Variants in PLPP3 observed in about 807,000 individuals in gnomAD.
The protein encoded by PLPP3 is phospholipid phosphatase 3.
PLPP3 carries 6 observed loss-of-function variants against 29.6 expected under a neutral mutation model. The ratio of observed to expected loss-of-function variants is 0.20; its 90% CI spans 0.11 to 0.40. PLPP3 has a LOEUF of 0.40. PLPP3 is among the 10% of genes least tolerant of loss of function. The pLI, the probability that PLPP3 is intolerant of heterozygous loss-of-function variation, is 1.00. For missense variants in PLPP3, 308 were observed against 407.7 expected, an observed-to-expected ratio of 0.76 and a Z score of 2.11; for synonymous variants, 152 against 159.7, an observed-to-expected ratio of 0.95 and a Z score of 0.36.
intron 4 of PLPP3, among the ~76,000 whole-genome samples, chr1:56,519,268 T>C (rs1036810059): frequency 8.5e-5 from 13 of 152,174 alleles, no homozygotes; most frequent in Non-Finnish European, 1.6e-4. Flanking sequence ...CAGTCTCCTC[T>C]ATCTTCATGT....
At chr1:56,510,947 G>A (rs983221994) in intron 5 of PLPP3, among the ~76,000 whole-genome samples, 3 of 152,186 alleles carry the variant, frequency 2.0e-5, no homozygotes, top group African/African-American at 7.2e-5. Flanking sequence ...TGAGACATAA[G>A]CCTGCAACCA....
At chr1:56,542,608 G>A (rs964156191) in intron 1 of PLPP3, among the ~76,000 whole-genome samples, 2 of 152,062 alleles carry the variant, frequency 1.3e-5, no homozygotes, top group African/African-American at 2.4e-5. Flanking sequence ...CAGGATCTGC[G>A]AGAATAATAA....
intron 2 of PLPP3, among the ~76,000 whole-genome samples, chr1:56,533,865 G>C (rs1645906908): frequency 6.6e-6 from 1 of 152,202 alleles, no homozygotes; most frequent in Admixed American, 6.5e-5. Flanking sequence ...ATGTACCTAA[G>C]TCAGATGATG....
intron 1 of PLPP3, among the ~76,000 whole-genome samples, chr1:56,554,489 G>A (rs1033214143): frequency 2.6e-5 from 4 of 151,278 alleles, no homozygotes; most frequent in Non-Finnish European, 4.4e-5. Flanking sequence ...GGAGAATGGC[G>A]TGAACCCGGG....
At chr1:56,523,934 A>G (rs1645835627) in intron 3 of PLPP3, 54 bp from the exon 4 acceptor site, 2 of 1,572,748 alleles carry the variant, frequency 1.3e-6, no homozygotes, top group Admixed American at 3.4e-5. Context: ...CCTGATACAC[A>G]CTTGTCTGTC....
chr1:56,552,641 G>A (rs1646048992), intron 1 of PLPP3, among the ~76,000 whole-genome samples: 1 of 152,122 alleles, frequency 6.6e-6, no homozygotes, highest in African/African-American at 2.4e-5. Flanking sequence ...GACCCTGTGA[G>A]GACTCAAACC....
Position 56,579,232 on chromosome 1 carries a change from T to C in PLPP3, c.-216A>G. 1.8e-6 allele frequency: 1 copy of C among 556,776 alleles called. No homozygotes were observed. The highest frequency in any genetic ancestry group is 3.6e-5 in the East Asian group (1 of 27,964). 34.5% of individuals were successfully genotyped at this position (556,776 alleles called of 1,614,324 possible). A position where few individuals can be genotyped will look rare whatever the true frequency, so the allele number is the denominator to read the frequency against. On this transcript the variant is annotated 5_prime_UTR_variant, in exon 1 of 6. Transcript: ENST00000371250. ...CTCCTCCTGCGCGCCTCTGCTTTCC[T>C]CTGTCAACCCTAAATCGTTCTAAAG...
At chr1:56,557,895 G>A (rs1029674230) in intron 1 of PLPP3, among the ~76,000 whole-genome samples, 8 of 152,106 alleles carry the variant, frequency 5.3e-5, no homozygotes, top group Admixed American at 3.3e-4. Flanking sequence ...ATTGCTCTGC[G>A]CTGCAGCCAA....
chr1:56,562,907 GGGA>G (rs1646140063), intron 1 of PLPP3, among the ~76,000 whole-genome samples: 1 of 152,178 alleles, frequency 6.6e-6, no homozygotes, highest in African/African-American at 2.4e-5. Context: ...CACAAATACT[GGGA>G]GAGATAGGCA....
chr1:56,496,663 G>C lies in PLPP3; in HGVS notation c.824C>G (p.Ser275Cys). The C allele has an allele frequency of 6.2e-7, 1 of 1,613,460 alleles. No homozygotes were observed. Among genetic ancestry groups the C allele is most frequent in the Non-Finnish European group, 8.5e-7 (1 of 1,179,740 alleles). The change falls in exon 6 of 6, where the codon TCT (serine) becomes TGT (cysteine). Residue 275 changes from serine to cysteine, a missense_variant. This residue lies in a region of PLPP3 where 232 missense variants were observed against 317.2 expected (regional missense o/e 0.73). Coordinates refer to ENST00000371250, the MANE Select transcript of PLPP3 (RefSeq NM_003713.5). ...CGTCGTCTTAGTCTTGAAGAGGTCA[G>C]ACACGAAGAAAACCTAGAAGCACAA... ...LVACCIVFFV[S>C]DLFKTKTTLS...
intron 1 of PLPP3, among the ~76,000 whole-genome samples, chr1:56,556,418 T>C (rs1264100500): frequency 6.6e-6 from 1 of 152,148 alleles, no homozygotes; most frequent in African/African-American, 2.4e-5. Context: ...TATTAGAACA[T>C]AGAAGATCAT....
chr1:56,519,746 G>T lies in PLPP3; in HGVS notation c.633+4077C>A, dbSNP rs866029973. On this transcript the variant is annotated intron_variant, in intron 4 of 5. Coordinates refer to ENST00000371250, the MANE Select transcript of PLPP3 (RefSeq NM_003713.5). Reference sequence around the variant, plus strand: ...TTGTGCTTATATATGCTGTGGGTTTGTTTTTTTTTTTTTAATTAGAACTTG... The same window carrying T: ...TTGTGCTTATATATGCTGTGGGTTTTTTTTTTTTTTTTTAATTAGAACTTG... 3.6e-4 allele frequency among the ~76,000 whole-genome samples: 51 copies of T among 139,872 alleles called. 2 individuals are homozygous for T. The East Asian group carries it at 5.1e-3, about 14-fold the overall frequency. 91.8% of individuals were successfully genotyped at this position (139,872 alleles called of 152,430 possible).
intron 1 of PLPP3, among the ~76,000 whole-genome samples, chr1:56,547,317 G>C (rs1646012281): frequency 6.6e-6 from 1 of 152,118 alleles, no homozygotes; most frequent in South Asian, 2.1e-4. Context: ...AAATGCATAG[G>C]AAACAAACCA....
intron 5 of PLPP3, among the ~76,000 whole-genome samples, chr1:56,498,857 C>A (rs971015913): frequency 3.3e-5 from 5 of 152,150 alleles, no homozygotes; most frequent in Non-Finnish European, 5.9e-5. Flanking sequence ...TGGTCTGGAA[C>A]TCCTGACCTC....
chr1:56,550,258 G>C (rs965739712), intron 1 of PLPP3, among the ~76,000 whole-genome samples: 1 of 152,102 alleles, frequency 6.6e-6, no homozygotes, highest in African/African-American at 2.4e-5. Context: ...TAAGGCATTC[G>C]GATACACTGG....
At chr1:56,551,634 C>A (rs1646040434) in intron 1 of PLPP3, among the ~76,000 whole-genome samples, 1 of 152,182 alleles carries the variant, frequency 6.6e-6, no homozygotes, top group African/African-American at 2.4e-5. Flanking sequence ...ACCCCAGGTA[C>A]TTCTGAGAGC....
At position 56,574,927 on chromosome 1, in the gene PLPP3, C is replaced by T. The variant is rs114954338; in HGVS notation, c.139+3951G>A. On this transcript the variant is annotated intron_variant, in intron 1 of 5. Transcript: ENST00000371250. Reference sequence around the variant, plus strand: ...AGATGGTCTAGTTCCTTCCCTTTTTCGCAATGGTAAAGAAACTGAGACTCA... The same window carrying T: ...AGATGGTCTAGTTCCTTCCCTTTTTTGCAATGGTAAAGAAACTGAGACTCA... Among the ~76,000 whole-genome samples the T allele has an allele frequency of 3.0e-3, 463 of 152,120 alleles. 1 individual carries two copies. Among genetic ancestry groups the T allele is most frequent in the African/African-American group, 0.011 (439 of 41,514 alleles).
chr1:56,495,205 G>T lies in PLPP3; in HGVS notation c.*1346C>A, dbSNP rs1321122151. 6.6e-6 allele frequency: 1 copy of T among 152,516 alleles called. No individual in the cohort carries two copies. Among genetic ancestry groups the T allele is most frequent in the African/African-American group, 2.4e-5 (1 of 41,418 alleles). 9.4% of individuals were successfully genotyped at this position (152,516 alleles called of 1,614,324 possible). On this transcript the variant is annotated 3_prime_UTR_variant, in exon 6 of 6. Transcript: ENST00000371250. ...ATGAAAGGACGGATTCTGTAGTAAG[G>T]ATGTGCATGTGGTTGATCCATATGG...
At position 56,507,781 on chromosome 1, in the gene PLPP3, A is replaced by G. The variant is rs563879826; in HGVS notation, c.810+4195T>C. 1.1e-3 allele frequency among the ~76,000 whole-genome samples: 168 copies of G among 152,336 alleles called. 1 individual carries two copies. The highest frequency in any genetic ancestry group is 9.3e-3 in the South Asian group (45 of 4,820). On this transcript the variant is annotated intron_variant, in intron 5 of 5. Transcript: ENST00000371250. ...TCAAGGTGGTCCCAGCATCTGTAAA[A>G]GAGGGAGGCAAAAGGACAAAAGTCA... is the stretch of plus-strand genomic sequence containing the variant.
Sources: allele counts gnomAD v4.1 joint callset (sites outside exome capture counted in the v4.1 genomes callset), GRCh38; gene constraint gnomAD v4.1.1; regional missense constraint gnomAD v4.1.1; transcripts MANE v1.5; gene names NCBI Gene and HGNC (gene_info 2026-07-23, HGNC 2026-07-21).